Variants in TXNDC16 observed in about 807,000 individuals in gnomAD.
TXNDC16 encodes the protein thioredoxin domain containing 16.
Under a neutral mutation model 85.6 loss-of-function variants are expected in TXNDC16, and 74 were observed. The ratio of observed to expected loss-of-function variants is 0.86; its 90% CI spans 0.72 to 1.05. The LOEUF (loss-of-function observed/expected upper bound fraction) is 1.05. Among genes scored for constraint, TXNDC16 ranks in the 50% least tolerant of loss-of-function variants. The pLI, the probability that TXNDC16 is intolerant of heterozygous loss-of-function variation, is 0.00. For synonymous variants in TXNDC16, 335 were observed against 326.5 expected, an observed-to-expected ratio of 1.03 and a Z score of -0.28; for missense variants, 959 against 947.0, an observed-to-expected ratio of 1.01 and a Z score of -0.17.
chr14:52,533,360 C>T (rs542104217), intron 6 of TXNDC16, among the ~76,000 whole-genome samples: 1 of 152,244 alleles, frequency 6.6e-6, no homozygotes, highest in Admixed American at 6.5e-5. Context: ...GCTAATTTTA[C>T]CTCCTAAGCA....
At chr14:52,481,808 G>A (rs1387347041) in intron 14 of TXNDC16, among the ~76,000 whole-genome samples, 1 of 152,122 alleles carries the variant, frequency 6.6e-6, no homozygotes, top group East Asian at 1.9e-4. Context: ...TCCATGAGGA[G>A]TAAACTATAT....
At chr14:52,504,169 TC>T (rs2036732055) in intron 9 of TXNDC16, among the ~76,000 whole-genome samples, 1 of 152,082 alleles carries the variant, frequency 6.6e-6, no homozygotes, top group Admixed American at 6.6e-5. Flanking sequence ...CAGGAGAACT[TC>T]CCCAGTCTAG....
At chr14:52,525,843 C>T (rs866523736) in intron 6 of TXNDC16, among the ~76,000 whole-genome samples, 5 of 151,684 alleles carry the variant, frequency 3.3e-5, no homozygotes, top group African/African-American at 1.2e-4. Context: ...TACCAAAACC[C>T]ATGGATGCTC....
intron 1 of TXNDC16, among the ~76,000 whole-genome samples, chr14:52,547,275 C>A (rs1391532972): frequency 6.6e-6 from 1 of 152,080 alleles, no homozygotes; most frequent in Non-Finnish European, 1.5e-5. Context: ...AATGGAAGAA[C>A]CTCACACAGG....
chr14:52,478,679 C>T (rs1447574020), intron 14 of TXNDC16, among the ~76,000 whole-genome samples: 1 of 151,658 alleles, frequency 6.6e-6, no homozygotes, highest in South Asian at 2.1e-4. Context: ...AATAAAATTA[C>T]CAACAAAAAA....
Position 52,432,326 on chromosome 14 carries a change from A to G in TXNDC16, c.2456T>C (p.Leu819Ser), listed in dbSNP as rs1342575374. The change falls in exon 21 of 21, where the codon TTA becomes TCA. Residue 819 changes from leucine (L) to serine (S), a missense_variant. Transcript: ENST00000281741. ...AEKSFRRDKELGCSKVN is the reference protein window; with the variant it reads ...AEKSFRRDKESGCSKVN ...AAATTAGTTCACTTTTGAGCATCCT[A>G]ACTCTTTATCACGTCTAAATGATTT... 3 of 1,612,434 alleles carry G rather than the reference A, an allele frequency of 1.9e-6. No homozygotes were observed. The highest frequency in any genetic ancestry group is 1.3e-5 in the African/African-American group (1 of 74,840).
rs532544521 is a variant in TXNDC16, at chr14:52,516,660, A to G, written c.515-1690T>C. 1.3e-4 allele frequency among the ~76,000 whole-genome samples: 20 copies of G among 152,134 alleles called. No homozygotes were observed. The South Asian group carries it at 4.1e-3, about 32-fold the overall frequency. On this transcript the variant is annotated intron_variant, in intron 7 of 20. Coordinates refer to ENST00000281741, the MANE Select transcript of TXNDC16 (RefSeq NM_020784.3). ...CAGTTCTGGGAAATTTTCTTGAAGT[A>G]TTTCTTTGATGATTCCTCCTTTTCA...
chr14:52,478,932 T>A (rs2036081066), intron 14 of TXNDC16, among the ~76,000 whole-genome samples: 1 of 152,086 alleles, frequency 6.6e-6, no homozygotes, highest in Non-Finnish European at 1.5e-5. Flanking sequence ...ACTAGCTAAC[T>A]GAATCCAACA....
chr14:52,439,489 C>A, intron 19 of TXNDC16, 95 bp from the exon 20 acceptor site: 1 of 1,094,336 alleles, frequency 9.1e-7, no homozygotes, highest in South Asian at 1.7e-5. Context: ...TAAGTAGTAT[C>A]ATGCCAGTAA....
chr14:52,470,305 A>G, intron 15 of TXNDC16, 132 bp from the exon 16 acceptor site: 1 of 920,476 alleles, frequency 1.1e-6, no homozygotes, highest in Non-Finnish European at 1.5e-6. Context: ...AAAATTAAAT[A>G]TTATTCTTAA....
chr14:52,440,872 A>G (rs1453214154), intron 18 of TXNDC16, 148 bp from the exon 19 acceptor site: 17 of 658,584 alleles, frequency 2.6e-5, no homozygotes, highest in African/African-American at 3.8e-5. Flanking sequence ...TACTATATTA[A>G]TAACTATGAA....
intron 6 of TXNDC16, among the ~76,000 whole-genome samples, chr14:52,533,249 G>C (rs1171736348): frequency 1.3e-5 from 2 of 152,096 alleles, no homozygotes; most frequent in African/African-American, 4.8e-5. Flanking sequence ...ATTTCAGATG[G>C]TGATCAGACT....
chr14:52,486,190 G>C (rs1182971318), intron 12 of TXNDC16, among the ~76,000 whole-genome samples: 3 of 149,882 alleles, frequency 2.0e-5, no homozygotes, highest in Non-Finnish European at 4.4e-5. Context: ...TTCTAAATAA[G>C]CTACCATCAC....
chr14:52,452,256 C>T (rs1217704646), intron 18 of TXNDC16, among the ~76,000 whole-genome samples: 2 of 152,018 alleles, frequency 1.3e-5, no homozygotes, highest in African/African-American at 4.8e-5. Context: ...TCTTAATACC[C>T]AAAATAACTA....
Position 52,509,560 on chromosome 14 carries a change from T to C in TXNDC16, c.756+1680A>G, listed in dbSNP as rs1368979828. ...AAAAGTTACTTAAAGAACTAATGGG[T>C]GCAGCACACAAACATGGCACATGTA... On this transcript the variant is annotated intron_variant, in intron 9 of 20. Coordinates refer to ENST00000281741, the MANE Select transcript of TXNDC16 (RefSeq NM_020784.3). Among the ~76,000 whole-genome samples the C allele has an allele frequency of 2.0e-5, 3 of 151,096 alleles. No individual in the cohort carries two copies. The East Asian group carries it at 5.9e-4, about 30-fold the overall frequency.
At chr14:52,517,362 G>A (rs1341852483) in intron 7 of TXNDC16, among the ~76,000 whole-genome samples, 1 of 152,104 alleles carries the variant, frequency 6.6e-6, no homozygotes, top group East Asian at 1.9e-4. Context: ...CAAGCTAATG[G>A]TGTCACTTTA....
intron 17 of TXNDC16, 123 bp from the exon 18 acceptor site, chr14:52,455,585 A>C (rs1301082523): frequency 9.3e-7 from 1 of 1,077,482 alleles, no homozygotes; most frequent in Non-Finnish European, 1.3e-6. Flanking sequence ...AAGGAAAAAA[A>C]TGAACTCCAT....
Position 52,475,036 on chromosome 14 carries a change from C to T in TXNDC16, c.1313-4356G>A, listed in dbSNP as rs1192504093. ...GGCAGATCGTCCACCCCTGAACACA[C>T]ACCCCACCACCGGGGAACCTAAAGG... On this transcript the variant is annotated intron_variant, in intron 14 of 20. Coordinates refer to ENST00000281741, the MANE Select transcript of TXNDC16 (RefSeq NM_020784.3). Among the ~76,000 whole-genome samples the T allele has an allele frequency of 2.6e-5, 4 of 152,212 alleles. No individual in the cohort carries two copies. The East Asian group carries it at 5.8e-4, about 22-fold the overall frequency.
intron 18 of TXNDC16, among the ~76,000 whole-genome samples, chr14:52,452,008 T>C (rs1041480910): frequency 6.6e-6 from 1 of 152,084 alleles, no homozygotes; most frequent in Non-Finnish European, 1.5e-5. Flanking sequence ...CAAATCAAAA[T>C]ACAAAAATCA....
Sources: gnomAD v4.1 joint callset for allele counts (sites outside exome capture counted in the v4.1 genomes callset) on GRCh38, gnomAD v4.1.1 for gene constraint, MANE v1.5 for transcripts, NCBI Gene and HGNC (gene_info 2026-07-23, HGNC 2026-07-21) for gene names.